RNF20: variants seen among roughly 807,000 people sequenced by gnomAD.
RNF20 encodes ring finger protein 20, also known as E3 ubiquitin-protein ligase BRE1A.
In RNF20, 84 loss-of-function variants were observed where a neutral mutation model predicts 126.2. That is an observed-to-expected ratio of 0.67 (90% confidence interval 0.56 to 0.80). The LOEUF (loss-of-function observed/expected upper bound fraction) is 0.80. Ranked by LOEUF, RNF20 falls within the 30% of genes least tolerant of loss-of-function variation. The pLI, the probability that RNF20 is intolerant of heterozygous loss-of-function variation, is 0.00. For synonymous variants in RNF20, 400 were observed against 414.3 expected, an observed-to-expected ratio of 0.97 and a Z score of 0.42; for missense variants, 869 against 1,188.2, an observed-to-expected ratio of 0.73 and a Z score of 3.95.
At chr9:101,561,853 T>C in intron 18 of RNF20, 57 bp from the exon 19 acceptor site, 1 of 1,169,308 alleles carries the variant, frequency 8.6e-7, no homozygotes, top group Non-Finnish European at 1.3e-6. Flanking sequence ...CTATTATTTT[T>C]CTCAAAAATG....
In RNF20 at chr9:101,540,559, G is replaced by T; in HGVS notation, c.367G>T (p.Glu123Ter). 6.2e-7 allele frequency: 1 copy of T among 1,614,058 alleles called. No individual in the cohort carries two copies. The highest frequency in any genetic ancestry group is 8.5e-7 in the Non-Finnish European group (1 of 1,180,020). Residue 123 changes from glutamate to a stop codon, truncating the protein, a stop_gained, in exon 4 of 20, where the codon GAA (glutamate) becomes TAA (stop). Transcript: ENST00000389120. LOFTEE classifies it high-confidence loss of function. The stretch of plus-strand genomic sequence containing the variant: ...GCAGGGCTTGGGAGACCTACTCACA[G>T]AACGAAAAGCCCTTGTTGTGCCTGA... ...LEQGLGDLLTERKALVVPEPE... is the reference protein window; with the variant it reads ...LEQGLGDLLT
rs568171746 is a variant in RNF20, at chr9:101,536,823, A to C, written c.129+1271A>C. ...AATGAGGAGTTAGTGGATAGTCTTA[A>C]GTAGGAGACTAACATGCTCTGACTT... is the stretch of plus-strand genomic sequence containing the variant. On this transcript the variant is annotated intron_variant, in intron 2 of 19. Coordinates refer to ENST00000389120, the MANE Select transcript of RNF20 (RefSeq NM_019592.7). 3.9e-5 allele frequency among the ~76,000 whole-genome samples: 6 copies of C among 152,302 alleles called. No individual in the cohort carries two copies. In the South Asian group the frequency reaches 1.0e-3, roughly 26 times the overall value.
At chr9:101,551,604 T>TAGGAG in intron 10 of RNF20, 80 bp from the exon 11 acceptor site, 4 of 660,526 alleles carry the variant, frequency 6.1e-6, no homozygotes, top group Non-Finnish European at 6.2e-6. Flanking sequence ...ACTGGAAATT[T>TAGGAG]TCAGAGTAAT....
At chr9:101,553,843 C>T (rs899548678) in intron 13 of RNF20, 145 bp from the exon 14 acceptor site, 1 of 489,576 alleles carries the variant, frequency 2.0e-6, no homozygotes, top group Admixed American at 3.6e-5. Flanking sequence ...TTTTGATAGT[C>T]TGTGCAAAAT....
intron 14 of RNF20, 31 bp downstream of exon 14, chr9:101,554,136 G>A: frequency 8.2e-7 from 1 of 1,215,792 alleles, no homozygotes; most frequent in South Asian, 1.3e-5. Flanking sequence ...CTGTCCTTCT[G>A]GTTAAAATCT....
Position 101,561,296 on chromosome 9 carries a change from A to G in RNF20, c.2649+66A>G, listed in dbSNP as rs556199050. ...TCTGAGGTCGGAAGTGACCCATATC[A>G]TGAAAGAATCATTAGTCCAATGTAT... On this transcript the variant is annotated intron_variant, in intron 18 of 19. Coordinates refer to ENST00000389120, the MANE Select transcript of RNF20 (RefSeq NM_019592.7). The G allele has an allele frequency of 2.0e-5, 30 of 1,507,936 alleles. No individual in the cohort carries two copies. In the African/African-American group the frequency reaches 3.7e-4, roughly 19 times the overall value. The allele number at this position is 1,507,936 out of a possible 1,614,324, so 93.4% of individuals were successfully genotyped here. A position where few individuals can be genotyped will look rare whatever the true frequency, so the allele number is the denominator to read the frequency against.
intron 5 of RNF20, among the ~76,000 whole-genome samples, chr9:101,543,499 TCTAACCCTGC>T (rs111635844): frequency 0.095 from 14,167 of 149,250 alleles, 738 homozygotes; most frequent in Middle Eastern, 0.15. Context: ...GGTGGCACTG[TCTAACCCTGC>T]CACTGCAGTA....
chr9:101,537,678 G>A (rs1170610761), intron 2 of RNF20, among the ~76,000 whole-genome samples: 1 of 152,162 alleles, frequency 6.6e-6, no homozygotes, highest in African/African-American at 2.4e-5. Flanking sequence ...GGACCAATGA[G>A]GTAAGAGGAT....
In RNF20 at chr9:101,550,792, G is replaced by T. The variant is rs373426790; in HGVS notation, c.1272+7G>T. On this transcript the variant is annotated splice_region_variant and intron_variant, in intron 10 of 19. Coordinates refer to ENST00000389120, the MANE Select transcript of RNF20 (RefSeq NM_019592.7). Reference sequence around the variant, plus strand: ...CCAGGTTGAGCTTATTGAGGTAATAGCCTTGCCTTGTCTTTTGTATGTAAG... The same window carrying T: ...CCAGGTTGAGCTTATTGAGGTAATATCCTTGCCTTGTCTTTTGTATGTAAG... The T allele has an allele frequency of 6.2e-7, 1 of 1,613,440 alleles. No homozygotes were observed. The highest frequency in any genetic ancestry group is 8.5e-7 in the Non-Finnish European group (1 of 1,179,478).
rs1827489528 is a variant in RNF20, at chr9:101,553,983, C to T, written c.1902-5C>T. 1 of 1,573,150 alleles carries T rather than the reference C, an allele frequency of 6.4e-7. No homozygotes were observed. The highest frequency in any genetic ancestry group is 1.3e-5 in the African/African-American group (1 of 74,112). On this transcript the variant is annotated splice_region_variant and splice_polypyrimidine_tract_variant and intron_variant, in intron 13 of 19. Transcript: ENST00000389120. ...GTTCCCCTCCCTCTACTACGCCTGT[C>T]ATAGGAAGGCACAGGAGAGCCAAAA...
intron 16 of RNF20, among the ~76,000 whole-genome samples, chr9:101,559,963 A>G (rs1827599280): frequency 6.6e-6 from 1 of 152,236 alleles, no homozygotes; most frequent in South Asian, 2.1e-4. Flanking sequence ...TGAGAGTGGC[A>G]TCTGTGTCTT....
intron 2 of RNF20, among the ~76,000 whole-genome samples, chr9:101,535,761 T>C (rs1347926707): frequency 6.6e-6 from 1 of 152,246 alleles, no homozygotes; most frequent in Non-Finnish European, 1.5e-5. Flanking sequence ...GGTGTACTTA[T>C]ATTCTTTCGA....
At chr9:101,544,728 C>A in intron 5 of RNF20, 39 bp from the exon 6 acceptor site, 5 of 1,322,130 alleles carry the variant, frequency 3.8e-6, no homozygotes, top group Non-Finnish European at 4.3e-6. Flanking sequence ...AAAAATGACA[C>A]TCTAGATGCT....
In RNF20 at chr9:101,540,295, G is replaced by A. The variant is rs747473264; in HGVS notation, c.222G>A (p.Glu74=). Residue 74 remains glutamate, a synonymous_variant, in exon 3 of 20, where the codon GAG becomes GAA. Coordinates refer to ENST00000389120, the MANE Select transcript of RNF20 (RefSeq NM_019592.7). ...AGGCCATTGAAGATGAACTTCGTGA[G>A]CACATTGAAAAACTGGAACGACGAC... ...QRQAIEDELR[E]HIEKLERRQA... is the part of the protein sequence containing the mutation. 8.1e-6 allele frequency: 13 copies of A among 1,614,152 alleles called. No homozygotes were observed. The highest frequency in any genetic ancestry group is 1.1e-5 in the Non-Finnish European group (13 of 1,180,018).
At chr9:101,541,812 A>G (rs775700196) in intron 5 of RNF20, among the ~76,000 whole-genome samples, 8 of 152,194 alleles carry the variant, frequency 5.3e-5, no homozygotes, top group Non-Finnish European at 1.0e-4. Context: ...ATTAGAAAAT[A>G]TTCTATGGAT....
chr9:101,544,900 A>T lies in RNF20; in HGVS notation c.747+15A>T. On this transcript the variant is annotated intron_variant, in intron 6 of 19. Coordinates refer to ENST00000389120, the MANE Select transcript of RNF20 (RefSeq NM_019592.7). The stretch of plus-strand genomic sequence containing the variant: ...TGTCTCAGGAGGTACTTAACCAAAA[A>T]GGAGAGATGGCTGTGTCTAGTGGGC... 6.7e-7 allele frequency: 1 copy of T among 1,483,816 alleles called. No individual in the cohort carries two copies. 91.9% of individuals were successfully genotyped at this position (1,483,816 alleles called of 1,614,324 possible). A position where few individuals can be genotyped will look rare whatever the true frequency, so the allele number is the denominator to read the frequency against.
chr9:101,546,717 T>C, intron 6 of RNF20, 103 bp from the exon 7 acceptor site: 1 of 1,173,400 alleles, frequency 8.5e-7, no homozygotes, highest in Non-Finnish European at 1.2e-6. Context: ...TGAAGCATCT[T>C]CTATTTGCCT....
intron 2 of RNF20, among the ~76,000 whole-genome samples, chr9:101,536,801 G>A (rs911742356): frequency 7.2e-5 from 11 of 152,202 alleles, no homozygotes; most frequent in African/African-American, 2.7e-4. Flanking sequence ...CAGAGGCAAT[G>A]AGGAGTTAGT....
At chr9:101,554,907 C>T in intron 15 of RNF20, 64 bp downstream of exon 15, 2 of 1,265,792 alleles carry the variant, frequency 1.6e-6, no homozygotes, top group Non-Finnish European at 2.1e-6. Context: ...TAAGTTATTG[C>T]CAGTGAAATT....
Sources: allele counts gnomAD v4.1 joint callset (sites outside exome capture counted in the v4.1 genomes callset), GRCh38; gene constraint gnomAD v4.1.1; transcripts MANE v1.5; gene names NCBI Gene and HGNC (gene_info 2026-07-23, HGNC 2026-07-21).